Variants in CPEB4 observed in about 807,000 individuals in gnomAD.
The protein encoded by CPEB4 is cytoplasmic polyadenylation element-binding protein 4.
CPEB4 carries 12 observed loss-of-function variants against 72.5 expected under a neutral mutation model. The observed-to-expected ratio is 0.17, with a 90% CI of 0.11 to 0.27. The LOEUF (loss-of-function observed/expected upper bound fraction) is 0.27, where lower values mean the gene tolerates loss of function less well. CPEB4 is among the 10% of genes least tolerant of loss of function. The pLI, the probability that CPEB4 is intolerant of heterozygous loss-of-function variation, is 1.00. For synonymous variants in CPEB4, 302 were observed against 326.3 expected (o/e 0.93, Z 0.80); for missense variants, 614 against 908.5 (o/e 0.68, Z 4.17).
intron 1 of CPEB4, among the ~76,000 whole-genome samples, chr5:173,895,942 G>A (rs1755991354): frequency 6.6e-6 from 1 of 152,234 alleles, no homozygotes; most frequent in Non-Finnish European, 1.5e-5. Flanking sequence ...CCTAATAAAT[G>A]TGGTTGTTGC....
intron 2 of CPEB4, chr5:173,910,811 A>C: frequency 1.9e-6 from 1 of 523,584 alleles, no homozygotes; most frequent in Non-Finnish European, 3.4e-6. Context: ...ACCAGGTAAG[A>C]GTACTACGTG....
intron 4 of CPEB4, among the ~76,000 whole-genome samples, chr5:173,943,331 C>A (rs1411841436): frequency 6.6e-6 from 1 of 151,798 alleles, no homozygotes; most frequent in African/African-American, 2.4e-5. Flanking sequence ...TGCTTTTTTT[C>A]CTTTCTGAAA....
chr5:173,956,658 A>AT lies in CPEB4; in HGVS notation c.*528dup, dbSNP rs1209626747. ...TCTCTCTTTTTTCCATCCCTTTTTA[A>AT]TTTTTTTAACAGCAATGGAGGAAGT... On this transcript the variant is annotated 3_prime_UTR_variant, in exon 10 of 10. Coordinates refer to ENST00000265085, the MANE Select transcript of CPEB4 (RefSeq NM_030627.4). 2 of 77,076 alleles carry AT rather than the reference A, an allele frequency of 2.6e-5. No individual in the cohort carries two copies. Among genetic ancestry groups the AT allele is most frequent in the Non-Finnish European group, 6.1e-5 (2 of 32,992 alleles). 4.8% of individuals were successfully genotyped at this position (77,076 alleles called of 1,614,324 possible).
At chr5:173,916,864 G>A (rs1756887918) in intron 2 of CPEB4, among the ~76,000 whole-genome samples, 1 of 152,050 alleles carries the variant, frequency 6.6e-6, no homozygotes, top group Non-Finnish European at 1.5e-5. Context: ...AGTGGCTGTG[G>A]GGATTATTTA....
chr5:173,917,985 C>T (rs1581131983), intron 2 of CPEB4, among the ~76,000 whole-genome samples: 1 of 152,130 alleles, frequency 6.6e-6, no homozygotes, highest in Non-Finnish European at 1.5e-5. Context: ...TTCAAAGTAG[C>T]GTAACAGGGG....
chr5:173,909,963 G>A (rs1201084815), intron 1 of CPEB4, among the ~76,000 whole-genome samples: 1 of 149,692 alleles, frequency 6.7e-6, no homozygotes, highest in African/African-American at 2.5e-5. Flanking sequence ...TCGCACCACT[G>A]TACTCCAGCC....
rs899260282 is a variant in CPEB4, at chr5:173,897,035, T to A, written c.1125+6177T>A. Among the ~76,000 whole-genome samples, 4 of 152,376 alleles carry A rather than the reference T, an allele frequency of 2.6e-5. No homozygotes were observed. The East Asian group carries it at 7.7e-4, about 29-fold the overall frequency. On this transcript the variant is annotated intron_variant, in intron 1 of 9. Coordinates refer to ENST00000265085, the MANE Select transcript of CPEB4 (RefSeq NM_030627.4). ...TATGGCTTTCTTATATTGAATAAAG[T>A]TATGAAATTAGTTACAAATATAGCT... is the stretch of plus-strand genomic sequence containing the variant.
In CPEB4 at chr5:173,950,266, C is replaced by A. The variant is rs1024842962; in HGVS notation, c.1665+188C>A. On this transcript the variant is annotated intron_variant, in intron 7 of 9. Transcript: ENST00000265085. This position sits in a 1 kb window ranked among gnomAD's most constrained non-coding sequence, Gnocchi z 5.0. ...GTATTTGCACATCTCAATTTGACAT[C>A]GAATTTTTGGTTAGTTGAAATATAA... Among the ~76,000 whole-genome samples, 1 of 152,086 alleles carries A rather than the reference C, an allele frequency of 6.6e-6. No homozygotes were observed. The highest frequency in any genetic ancestry group is 2.4e-5 in the African/African-American group (1 of 41,382).
intron 1 of CPEB4, among the ~76,000 whole-genome samples, chr5:173,910,067 C>T (rs1245567391): frequency 1.3e-5 from 2 of 149,834 alleles, no homozygotes; most frequent in Admixed American, 6.6e-5. Context: ...TACAATCATT[C>T]GATGACTATT....
At position 173,953,213 on chromosome 5, in the gene CPEB4, T is replaced by C; in HGVS notation, c.1903T>C (p.Tyr635His). 6.2e-7 allele frequency: 1 copy of C among 1,613,306 alleles called. No homozygotes were observed. The highest frequency in any genetic ancestry group is 1.1e-5 in the South Asian group (1 of 90,996). The change falls in exon 9 of 10, where the codon TAC becomes CAC. Residue 635 changes from tyrosine to histidine, a missense_variant. By Grantham distance (83) the Tyr-to-His change is moderately conservative. Around this residue, in one of 5 missense-constraint regions of CPEB4, gnomAD observed 101 missense variants for 243.1 expected, o/e 0.42. Coordinates refer to ENST00000265085, the MANE Select transcript of CPEB4 (RefSeq NM_030627.4). ...GRVAFSNQQSYIAAISARFVQ... is the reference protein window; with the variant it reads ...GRVAFSNQQSHIAAISARFVQ... ...AGTTGCGTTCTCTAATCAACAGAGT[T>C]ACATAGCTGCTATCAGTGCCCGCTT...
At chr5:173,902,686 G>A (rs1202786368) in intron 1 of CPEB4, among the ~76,000 whole-genome samples, 1 of 152,140 alleles carries the variant, frequency 6.6e-6, no homozygotes, top group Non-Finnish European at 1.5e-5. Flanking sequence ...AAATATTTTT[G>A]AGAGAAATTT....
chr5:173,888,672 A>G lies in CPEB4; in HGVS notation c.-1062A>G, dbSNP rs1755695535. 1 of 398,898 alleles carries G rather than the reference A, an allele frequency of 2.5e-6. No homozygotes were observed. The highest frequency in any genetic ancestry group is 2.1e-5 in the African/African-American group (1 of 48,706). 24.7% of individuals were successfully genotyped at this position (398,898 alleles called of 1,614,324 possible). A position where few individuals can be genotyped will look rare whatever the true frequency, so the allele number is the denominator to read the frequency against. On this transcript the variant is annotated 5_prime_UTR_variant, in exon 1 of 10. Coordinates refer to ENST00000265085, the MANE Select transcript of CPEB4 (RefSeq NM_030627.4). The surrounding 1 kb of genome is among the most constrained non-coding windows in gnomAD (Gnocchi z 4.3). ...CCTTCTCCTTTAAAATAACTACGGT[A>G]GTGGGTTTTTCCTTTTTTTCCTCTT...
chr5:173,954,340 G>A (rs1758309257), intron 9 of CPEB4, among the ~76,000 whole-genome samples: 1 of 152,160 alleles, frequency 6.6e-6, no homozygotes, highest in South Asian at 2.1e-4. Flanking sequence ...TCTATTCTAA[G>A]CATGGGGGAG....
chr5:173,923,508 C>A (rs768486956), intron 2 of CPEB4, among the ~76,000 whole-genome samples: 3 of 152,092 alleles, frequency 2.0e-5, no homozygotes, highest in Non-Finnish European at 2.9e-5. Context: ...AAATTATTTT[C>A]ACCTTGGGGC....
Position 173,956,255 on chromosome 5 carries a change from C to T in CPEB4, c.*118C>T. On this transcript the variant is annotated 3_prime_UTR_variant, in exon 10 of 10. Transcript: ENST00000265085. Reference sequence around the variant, plus strand: ...CCTTTTGTAGCAGTCTGTAACTTAACTATAGTATAATGAAAAGAATGACCT... The same window carrying T: ...CCTTTTGTAGCAGTCTGTAACTTAATTATAGTATAATGAAAAGAATGACCT... 1.4e-6 allele frequency: 1 copy of T among 723,786 alleles called. No homozygotes were observed. The highest frequency in any genetic ancestry group is 3.9e-4 in the Middle Eastern group (1 of 2,538). The allele number at this position is 723,786 out of a possible 1,614,324, so 44.8% of individuals were successfully genotyped here.
chr5:173,890,323 C>A lies in CPEB4; in HGVS notation c.590C>A (p.Ala197Asp). The A allele has an allele frequency of 6.2e-7, 1 of 1,614,194 alleles. No individual in the cohort carries two copies. The highest frequency in any genetic ancestry group is 8.5e-7 in the Non-Finnish European group (1 of 1,180,044). ...ASFFHQGGVP[A>D]ASANNGALLF... is the part of the protein sequence containing the mutation. Reference sequence around the variant, plus strand: ...TTCTTTCACCAGGGAGGGGTCCCTGCTGCTTCGGCTAATAACGGTGCTCTG... The same window carrying A: ...TTCTTTCACCAGGGAGGGGTCCCTGATGCTTCGGCTAATAACGGTGCTCTG... Residue 197 changes from alanine (A) to aspartate (D), a missense_variant, in exon 1 of 10, where the codon GCT (alanine) becomes GAT (aspartate). By Grantham distance (126) the Ala-to-Asp change is moderately radical. This residue lies in a region of CPEB4 where 458 missense variants were observed against 548.6 expected (regional missense o/e 0.83). Coordinates refer to ENST00000265085, the MANE Select transcript of CPEB4 (RefSeq NM_030627.4).
intron 2 of CPEB4, chr5:173,918,283 C>T (rs1040364701): frequency 3.3e-5 from 5 of 152,108 alleles, no homozygotes; most frequent in African/African-American, 7.2e-5. Flanking sequence ...AAGAAGAGGG[C>T]GAAATTGTGT....
intron 3 of CPEB4, among the ~76,000 whole-genome samples, chr5:173,942,744 T>A (rs1346334503): frequency 6.6e-6 from 1 of 152,242 alleles, no homozygotes; most frequent in Non-Finnish European, 1.5e-5. Context: ...AGTTTCATAA[T>A]AGTTTGAACC....
Position 173,949,601 on chromosome 5 carries a change from A to G in CPEB4, c.1546+4A>G. ...AAATCCTATTTTCCTCCTAAAGGTAATTCTCAAGATTCATTATACTTATGT... is the reference window on the plus strand; with the variant it reads ...AAATCCTATTTTCCTCCTAAAGGTAGTTCTCAAGATTCATTATACTTATGT... On this transcript the variant is annotated splice_donor_region_variant and intron_variant, in intron 6 of 9. Coordinates refer to ENST00000265085, the MANE Select transcript of CPEB4 (RefSeq NM_030627.4). The G allele has an allele frequency of 6.4e-7, 1 of 1,574,004 alleles. No homozygotes were observed. The highest frequency in any genetic ancestry group is 8.7e-7 in the Non-Finnish European group (1 of 1,145,298).
Sources: gnomAD v4.1 joint callset for allele counts (sites outside exome capture counted in the v4.1 genomes callset) on GRCh38, gnomAD v4.1.1 for gene constraint, gnomAD v4.1.1 regional missense constraint, Gnocchi (gnomAD v3.1) non-coding constraint, MANE v1.5 for transcripts, NCBI Gene and HGNC (gene_info 2026-07-23, HGNC 2026-07-21) for gene names.